The following TJP1 variants were observed in gnomAD, a reference collection of about 807,000 sequenced individuals.
TJP1 encodes tight junction protein ZO-1.
In TJP1, 43 loss-of-function variants were observed where a neutral mutation model predicts 194.2. The observed-to-expected ratio is 0.22, with a 90% CI of 0.17 to 0.29. TJP1 has a LOEUF of 0.29. TJP1 is among the 10% of genes least tolerant of loss of function. TJP1 has a pLI of 1.00. For missense variants in TJP1, 1,971 were observed against 2,185.7 expected (o/e 0.90, Z 1.96); for synonymous variants, 801 against 779.0 (o/e 1.03, Z -0.47).
At chr15:29,859,547 A>T (rs2051993427) in intron 2 of TJP1, among the ~76,000 whole-genome samples, 1 of 152,148 alleles carries the variant, frequency 6.6e-6, no homozygotes, top group Non-Finnish European at 1.5e-5. Context: ...TTTGACAGTC[A>T]TTGTGGGTGC....
intron 22 of TJP1, 30 bp downstream of exon 22, chr15:29,717,991 T>C (rs781009218): frequency 6.3e-7 from 1 of 1,580,340 alleles, no homozygotes; most frequent in Non-Finnish European, 8.7e-7. Context: ...TGGTCAGTTC[T>C]ATGCCACAAA....
intron 2 of TJP1, among the ~76,000 whole-genome samples, chr15:29,841,570 C>G (rs1567124345): frequency 6.6e-6 from 1 of 152,092 alleles, no homozygotes; most frequent in Non-Finnish European, 1.5e-5. Flanking sequence ...CTCAATTAGT[C>G]TGATTTAGTG....
intron 2 of TJP1, among the ~76,000 whole-genome samples, chr15:29,920,773 G>A (rs1346694221): frequency 6.6e-6 from 1 of 152,152 alleles, no homozygotes; most frequent in African/African-American, 2.4e-5. Context: ...GTCTGGCTCC[G>A]TTCCCGAAGC....
At chr15:29,793,223 G>C (rs1420589916) in intron 2 of TJP1, among the ~76,000 whole-genome samples, 2 of 152,158 alleles carry the variant, frequency 1.3e-5, no homozygotes, top group African/African-American at 4.8e-5. Flanking sequence ...CCCCCCTCAT[G>C]ATACTAGCTG....
intron 2 of TJP1, 32 bp downstream of exon 2, chr15:29,800,614 T>G: frequency 6.2e-7 from 1 of 1,610,702 alleles, no homozygotes. Context: ...TCCTGAGTTA[T>G]ACACAGATTA....
At chr15:29,948,600 G>C (rs2055365147) in intron 2 of TJP1, among the ~76,000 whole-genome samples, 1 of 152,150 alleles carries the variant, frequency 6.6e-6, no homozygotes, top group African/African-American at 2.4e-5. Flanking sequence ...CTTTATCCTT[G>C]TGGACGTGAG....
At position 29,733,163 on chromosome 15, in the gene TJP1, G is replaced by A; in HGVS notation, c.1667C>T (p.Ser556Phe). The change falls in exon 13 of 28, where the codon TCT becomes TTT. Residue 556 changes from serine (S) to phenylalanine (F), a missense_variant. By Grantham distance (155) the Ser-to-Phe change is radical. This residue lies in a region of TJP1 where 402 missense variants were observed against 484.2 expected (regional missense o/e 0.83). Coordinates refer to ENST00000614355, the MANE Select transcript of TJP1 (RefSeq NM_001330239.4). ...TTTACCAATTCGAATAGCAAGCCAA[G>A]AGCCCAGTTTTCCATTGTACAAGGT... ...VDTLYNGKLG[S>F]WLAIRIGKNH... The A allele has an allele frequency of 6.2e-7, 1 of 1,614,096 alleles. No individual in the cohort carries two copies. The highest frequency in any genetic ancestry group is 1.7e-5 in the Admixed American group (1 of 60,022).
rs190919678 is a variant in TJP1 at position 29,903,493 on chromosome 15, G to A, written c.306+52739C>T. ...GGAGTCTCGCTCTGTCGCCCAGGCT[G>A]GAGTGCAGTGGAGTGATCTCGGCTC... On this transcript the variant is annotated intron_variant, in intron 2 of 28. Coordinates refer to the TJP1 transcript ENST00000356107. Among the ~76,000 whole-genome samples, 263 of 151,976 alleles carry A rather than the reference G, an allele frequency of 1.7e-3. 1 individual carries two copies. Among genetic ancestry groups the A allele is most frequent in the African/African-American group, 6.2e-3 (256 of 41,464 alleles).
intron 2 of TJP1, among the ~76,000 whole-genome samples, chr15:29,905,847 A>G (rs976680993): frequency 1.3e-5 from 2 of 152,172 alleles, no homozygotes; most frequent in African/African-American, 4.8e-5. Context: ...AGTGGTTGCC[A>G]TGGGTTTCCA....
intron 2 of TJP1, among the ~76,000 whole-genome samples, chr15:29,893,479 T>C (rs1443802508): frequency 6.6e-6 from 1 of 152,174 alleles, no homozygotes; most frequent in Non-Finnish European, 1.5e-5. Flanking sequence ...AAATCTTTCA[T>C]GAAAGAGAGT....
chr15:29,760,580 T>A (rs2045938581), intron 8 of TJP1, among the ~76,000 whole-genome samples: 2 of 152,286 alleles, frequency 1.3e-5, no homozygotes, highest in South Asian at 4.2e-4. Flanking sequence ...TTTCACCATG[T>A]CGGCCAGGCT....
intron 2 of TJP1, among the ~76,000 whole-genome samples, chr15:29,847,968 T>C (rs79930334): frequency 0.02 from 2,971 of 152,242 alleles, 109 homozygotes; most frequent in African/African-American, 0.067. Flanking sequence ...CTTTGACCCA[T>C]TGATTATTTA....
At chr15:29,813,725 C>G (rs2049699456) in intron 1 of TJP1, among the ~76,000 whole-genome samples, 1 of 152,130 alleles carries the variant, frequency 6.6e-6, no homozygotes, top group Non-Finnish European at 1.5e-5. Flanking sequence ...CCAGAAAAGG[C>G]ATGTTAGGGA....
chr15:29,726,514 G>C (rs2043247459), intron 17 of TJP1, 35 bp from the exon 18 acceptor site: 1 of 1,588,564 alleles, frequency 6.3e-7, no homozygotes, highest in Admixed American at 1.7e-5. Context: ...TTTATGGTTA[G>C]AGCACTGCCA....
In TJP1 at chr15:29,725,655, T is replaced by A. The variant is rs555914057; in HGVS notation, c.2412+724A>T. Among the ~76,000 whole-genome samples, 121 of 152,078 alleles carry A rather than the reference T, an allele frequency of 8.0e-4. 3 individuals carry two copies. In the South Asian group the frequency reaches 0.023, roughly 29 times the overall value. ...CAGACAAAATAAACAGACCTTCCCA[T>A]CAAAGATTGCTATAAAACCAGAAAG... is the stretch of plus-strand genomic sequence containing the variant. On this transcript the variant is annotated intron_variant, in intron 18 of 27. Coordinates refer to ENST00000614355, the MANE Select transcript of TJP1 (RefSeq NM_001330239.4).
intron 2 of TJP1, among the ~76,000 whole-genome samples, chr15:29,871,019 C>T (rs956569202): frequency 1.6e-4 from 25 of 152,270 alleles, no homozygotes; most frequent in Admixed American, 1.0e-3. Flanking sequence ...ACCTCCTCAA[C>T]GCTAGCTGGA....
chr15:29,822,548 G>A (rs1210918367), upstream of TJP1: 5 of 895,440 alleles, frequency 5.6e-6, no homozygotes, highest in Non-Finnish European at 6.7e-6. Context: ...AGGCGAGGCG[G>A]GGAGGGGGCG....
At chr15:29,968,294 G>A (rs2056399195) in intron 1 of TJP1, 1 of 985,132 alleles carries the variant, frequency 1.0e-6, no homozygotes, top group Non-Finnish European at 1.2e-6. Context: ...TGCTGTCTCC[G>A]CGAGAGCCTG....
chr15:29,837,484 G>A (rs2051073685), intron 2 of TJP1, among the ~76,000 whole-genome samples: 1 of 152,072 alleles, frequency 6.6e-6, no homozygotes, highest in South Asian at 2.1e-4. Flanking sequence ...CTTGAACCCG[G>A]GAGGCGGAGG....
Sources: allele counts gnomAD v4.1 joint callset (sites outside exome capture counted in the v4.1 genomes callset), GRCh38; gene constraint gnomAD v4.1.1; regional missense constraint gnomAD v4.1.1; transcripts MANE v1.5; gene names NCBI Gene and HGNC (gene_info 2026-07-23, HGNC 2026-07-21).